DCDC1: variants seen among roughly 807,000 people sequenced by gnomAD.
DCDC1 encodes the protein doublecortin domain containing 1.
A neutral mutation model predicts 178.3 loss-of-function variants in DCDC1; 200 were observed. The observed-to-expected ratio is 1.12, with a 90% confidence interval of 1.00 to 1.26. DCDC1 has a LOEUF of 1.26. DCDC1 is among the 50% of genes most tolerant of loss of function. DCDC1 has a pLI of 0.00. For missense variants in DCDC1, 1,983 were observed against 1,749.2 expected (o/e 1.13, Z -2.38); for synonymous variants, 690 against 604.8 (o/e 1.14, Z -2.07).
chr11:31,360,196 C>A (rs987557397), intron 1 of DCDC1, among the ~76,000 whole-genome samples: 2 of 152,158 alleles, frequency 1.3e-5, no homozygotes, highest in Non-Finnish European at 2.9e-5. Flanking sequence ...TTTGCTTCCT[C>A]AGCTACTGGT....
chr11:30,998,942 C>A (rs918725520), intron 20 of DCDC1, among the ~76,000 whole-genome samples: 8 of 152,148 alleles, frequency 5.3e-5, no homozygotes, highest in Non-Finnish European at 8.8e-5. Flanking sequence ...ATATTGATAT[C>A]ATGCACCCCC....
Position 30,982,883 on chromosome 11 carries a change from A to G in DCDC1, c.2592-30315T>C, listed in dbSNP as rs138562173. 1.6e-3 allele frequency among the ~76,000 whole-genome samples: 243 copies of G among 152,254 alleles called. 2 individuals carry two copies. Among genetic ancestry groups the G allele is most frequent in the Middle Eastern group, 0.01 (3 of 294 alleles). ...TCCACGGGTTCTCAAATAGGGTGGA[A>G]AAGCCAGGCAAAATTTTATCAATTT... On this transcript the variant is annotated intron_variant, in intron 20 of 38. Coordinates refer to ENST00000684477, the MANE Select transcript of DCDC1 (RefSeq NM_001387274.1).
chr11:31,275,784 C>A (rs138836753), intron 7 of DCDC1, among the ~76,000 whole-genome samples: 1 of 152,278 alleles, frequency 6.6e-6, no homozygotes, highest in East Asian at 1.9e-4. Context: ...TGTGCCCAGT[C>A]TACAATTATC....
chr11:31,142,445 T>C (rs772028421), intron 9 of DCDC1, among the ~76,000 whole-genome samples: 3 of 152,060 alleles, frequency 2.0e-5, no homozygotes, highest in Non-Finnish European at 4.4e-5. Flanking sequence ...AGGTTGATTC[T>C]TGGGACTATC....
At chr11:31,262,660 T>C (rs1944874478) in intron 8 of DCDC1, 1 of 162,678 alleles carries the variant, frequency 6.1e-6, no homozygotes, top group Non-Finnish European at 1.3e-5. Flanking sequence ...TTTGTTTAAA[T>C]TAAAAGATAA....
At chr11:30,931,411 G>T (rs893858841) in intron 22 of DCDC1, among the ~76,000 whole-genome samples, 1 of 151,730 alleles carries the variant, frequency 6.6e-6, no homozygotes, top group Admixed American at 6.6e-5. Context: ...CTTATATAAG[G>T]AGTTACAAAA....
intron 9 of DCDC1, among the ~76,000 whole-genome samples, chr11:31,165,216 T>G (rs1966664076): frequency 6.6e-6 from 1 of 152,238 alleles, no homozygotes; most frequent in Non-Finnish European, 1.5e-5. Flanking sequence ...TGGATGTTTT[T>G]AATTTTTGTC....
intron 20 of DCDC1, among the ~76,000 whole-genome samples, chr11:31,034,582 T>C (rs988214641): frequency 1.3e-5 from 2 of 152,180 alleles, no homozygotes; most frequent in Admixed American, 6.5e-5. Flanking sequence ...TTTTTTACAA[T>C]TGCCTACAGG....
chr11:31,219,667 G>T (rs1319697571), intron 9 of DCDC1, among the ~76,000 whole-genome samples: 1 of 152,104 alleles, frequency 6.6e-6, no homozygotes, highest in Non-Finnish European at 1.5e-5. Context: ...TAAGGACAAG[G>T]CACTGTGCTC....
intron 25 of DCDC1, among the ~76,000 whole-genome samples, chr11:30,918,384 G>T (rs112392425): frequency 3.7e-4 from 56 of 152,260 alleles, no homozygotes; most frequent in African/African-American, 1.3e-3. Flanking sequence ...ACATCTACAA[G>T]ACAGGTAAGT....
At chr11:31,194,082 G>A (rs200983866) in intron 9 of DCDC1, among the ~76,000 whole-genome samples, 2 of 152,006 alleles carry the variant, frequency 1.3e-5, no homozygotes, top group East Asian at 3.9e-4. Context: ...TACACTGAAT[G>A]TTCTTAGCCC....
chr11:30,922,914 T>C (rs1013740303), intron 23 of DCDC1, among the ~76,000 whole-genome samples: 2 of 151,864 alleles, frequency 1.3e-5, no homozygotes, highest in Non-Finnish European at 2.9e-5. Context: ...TCTATAATTA[T>C]TTCAAAATTA....
At chr11:30,970,899 C>G (rs933690017) in intron 20 of DCDC1, among the ~76,000 whole-genome samples, 2 of 152,188 alleles carry the variant, frequency 1.3e-5, no homozygotes, top group Non-Finnish European at 2.9e-5. Flanking sequence ...CCTAAGCATG[C>G]CATCTGGGGG....
intron 21 of DCDC1, chr11:30,943,699 A>C (rs746360132): frequency 6.7e-6 from 3 of 447,118 alleles, no homozygotes; most frequent in South Asian, 4.9e-5. Flanking sequence ...AAACCAAAAG[A>C]ATTTATTAAT....
chr11:31,063,178 G>A (rs1445286915), intron 20 of DCDC1, among the ~76,000 whole-genome samples: 3 of 151,924 alleles, frequency 2.0e-5, no homozygotes, highest in Admixed American at 6.6e-5. Flanking sequence ...TTAGAATGGC[G>A]ATCATTAAAA....
intron 8 of DCDC1, among the ~76,000 whole-genome samples, chr11:31,247,355 A>G (rs955223540): frequency 1.3e-5 from 2 of 151,688 alleles, no homozygotes; most frequent in African/African-American, 2.4e-5. Flanking sequence ...GTGGACCGAA[A>G]TGGTGTGAAT....
At chr11:31,018,521 A>T (rs965793741) in intron 20 of DCDC1, among the ~76,000 whole-genome samples, 17 of 152,120 alleles carry the variant, frequency 1.1e-4, no homozygotes, top group Non-Finnish European at 2.2e-4. Flanking sequence ...TGTGTTATTC[A>T]TCTCCATCTT....
At chr11:30,876,564 G>T (rs949207047) in intron 38 of DCDC1, among the ~76,000 whole-genome samples, 1 of 152,176 alleles carries the variant, frequency 6.6e-6, no homozygotes, top group African/African-American at 2.4e-5. Flanking sequence ...ACTAGTAATA[G>T]AAAAGTTCAG....
chr11:31,019,359 T>A (rs977042397), intron 20 of DCDC1, among the ~76,000 whole-genome samples: 1 of 152,126 alleles, frequency 6.6e-6, no homozygotes, highest in Admixed American at 6.6e-5. Context: ...GTGGAGATAA[T>A]GGTTCTTTGA....
Sources: allele counts gnomAD v4.1 joint callset (sites outside exome capture counted in the v4.1 genomes callset), GRCh38; gene constraint gnomAD v4.1.1; transcripts MANE v1.5; gene names NCBI Gene and HGNC (gene_info 2026-07-23, HGNC 2026-07-21).